The following KCNU1 variants were observed in gnomAD, a reference collection of about 807,000 sequenced individuals.
KCNU1 encodes the protein potassium channel subfamily U member 1.
A neutral mutation model predicts 126.8 loss-of-function variants in KCNU1; 93 were observed. The ratio of observed to expected loss-of-function variants is 0.73; its 90% CI spans 0.62 to 0.87. KCNU1 has a LOEUF of 0.87. Ranked by LOEUF, KCNU1 falls within the 40% of genes least tolerant of loss-of-function variation. The pLI is 0.00. For synonymous variants in KCNU1, 523 were observed against 494.2 expected, an observed-to-expected ratio of 1.06 and a Z score of -0.77; for missense variants, 1,330 against 1,367.1, an observed-to-expected ratio of 0.97 and a Z score of 0.43.
intron 24 of KCNU1, chr8:36,928,784 T>C (rs548925490): frequency 8.0e-6 from 4 of 499,224 alleles, no homozygotes; most frequent in Admixed American, 3.9e-5. Flanking sequence ...GCCTATCTTC[T>C]GAAGGAGCAC....
chr8:36,815,931 G>C (rs1187156993), intron 9 of KCNU1, among the ~76,000 whole-genome samples: 2 of 152,154 alleles, frequency 1.3e-5, no homozygotes, highest in Non-Finnish European at 2.9e-5. Context: ...GACAGATAAT[G>C]TTGTAATTCA....
At chr8:36,851,279 G>A (rs986719774) in intron 18 of KCNU1, among the ~76,000 whole-genome samples, 1 of 152,168 alleles carries the variant, frequency 6.6e-6, no homozygotes, top group Non-Finnish European at 1.5e-5. Context: ...GGAACCTGGT[G>A]AGAGGTGATT....
At chr8:36,932,478 A>G (rs1052410122) in intron 25 of KCNU1, among the ~76,000 whole-genome samples, 1 of 152,110 alleles carries the variant, frequency 6.6e-6, no homozygotes, top group Non-Finnish European at 1.5e-5. Context: ...CTTGTTGGCT[A>G]TAGCCCGAGA....
rs144882523 is a variant in KCNU1, at chr8:36,883,469, G to T, written c.2009+18948G>T. ...AGGGTAACTAATTTCTCCTTGTTGT[G>T]CTTTGCCTTTTCTGGGAGGAAAGAC... is the stretch of plus-strand genomic sequence containing the variant. On this transcript the variant is annotated intron_variant, in intron 19 of 26. Transcript: ENST00000399881. Among the ~76,000 whole-genome samples, 8 of 152,224 alleles carry T rather than the reference G, an allele frequency of 5.3e-5. No individual in the cohort carries two copies. The East Asian group carries it at 1.5e-3, about 29-fold the overall frequency.
chr8:36,935,514 G>A lies in KCNU1; in HGVS notation c.3045-1G>A. 1 of 1,589,332 alleles carries A rather than the reference G, an allele frequency of 6.3e-7. No individual in the cohort carries two copies. On this transcript the variant is annotated splice_acceptor_variant, in intron 26 of 26. Coordinates refer to ENST00000399881, the MANE Select transcript of KCNU1 (RefSeq NM_001031836.3). LOFTEE classifies it high-confidence loss of function. Reference sequence around the variant, plus strand: ...GCATTTATCTTTGACTTGTCTTACAGGTTTGTGATCACCCGGCCAGCCAAT... The same window carrying A: ...GCATTTATCTTTGACTTGTCTTACAAGTTTGTGATCACCCGGCCAGCCAAT...
Position 36,936,052 on chromosome 8 carries a change from C to A in KCNU1, c.*132C>A, listed in dbSNP as rs1034492460. ...CCCATTGCTTAGTGGTTCATGAAGGCCACACTGTTTTGGGTGAGACAAAAG... is the reference window on the plus strand; with the variant it reads ...CCCATTGCTTAGTGGTTCATGAAGGACACACTGTTTTGGGTGAGACAAAAG... On this transcript the variant is annotated 3_prime_UTR_variant, in exon 27 of 27. Coordinates refer to ENST00000399881, the MANE Select transcript of KCNU1 (RefSeq NM_001031836.3). The A allele has an allele frequency of 1.9e-5, 14 of 749,168 alleles. No homozygotes were observed. The highest frequency in any genetic ancestry group is 1.2e-4 in the African/African-American group (7 of 57,088). 46.4% of individuals were successfully genotyped at this position (749,168 alleles called of 1,614,324 possible).
intron 7 of KCNU1, among the ~76,000 whole-genome samples, chr8:36,811,163 G>A (rs1025801471): frequency 5.3e-5 from 8 of 151,986 alleles, no homozygotes; most frequent in Non-Finnish European, 8.8e-5. Context: ...AACATGAAAG[G>A]ACAATATTGA....
chr8:36,856,633 C>T (rs1248182603), intron 18 of KCNU1, among the ~76,000 whole-genome samples: 1 of 152,132 alleles, frequency 6.6e-6, no homozygotes, highest in African/African-American at 2.4e-5. Flanking sequence ...ATGGTAAGCT[C>T]TCCGCTTCTG....
chr8:36,870,073 A>G (rs1440491882), intron 19 of KCNU1, among the ~76,000 whole-genome samples: 1 of 152,152 alleles, frequency 6.6e-6, no homozygotes, highest in African/African-American at 2.4e-5. Flanking sequence ...CTCCCTCCAG[A>G]ACATTCTTTT....
intron 24 of KCNU1, among the ~76,000 whole-genome samples, chr8:36,924,422 C>T (rs544625743): frequency 3.3e-5 from 5 of 152,324 alleles, no homozygotes; most frequent in African/African-American, 4.8e-5. Context: ...CCCTCCCTGA[C>T]ATCAATGCCA....
rs139966530 is a variant in KCNU1 at position 36,920,742 on chromosome 8, A to G, written c.2597-1748A>G. On this transcript the variant is annotated intron_variant, in intron 23 of 26. Coordinates refer to ENST00000399881, the MANE Select transcript of KCNU1 (RefSeq NM_001031836.3). ...TGTGTGTGCGTGCGCGCACGTGCGC[A>G]TGTGTGTGTGTGGAGGGCTCACAAT... is the stretch of plus-strand genomic sequence containing the variant. Among the ~76,000 whole-genome samples, 281 of 152,228 alleles carry G rather than the reference A, an allele frequency of 1.8e-3. 2 individuals are homozygous for G. Among genetic ancestry groups the G allele is most frequent in the Admixed American group, 3.0e-3 (46 of 15,280 alleles).
intron 19 of KCNU1, among the ~76,000 whole-genome samples, chr8:36,868,011 T>G (rs906783014): frequency 3.9e-5 from 6 of 152,106 alleles, no homozygotes; most frequent in African/African-American, 1.4e-4. Context: ...TAATTCAAAA[T>G]CAAGGTAGGT....
At chr8:36,899,930 G>A (rs1256408562) in intron 19 of KCNU1, among the ~76,000 whole-genome samples, 1 of 152,086 alleles carries the variant, frequency 6.6e-6, no homozygotes, top group Non-Finnish European at 1.5e-5. Flanking sequence ...TCCATGTCCT[G>A]GGAAACCCAA....
chr8:36,784,952 T>A (rs917174339), intron 1 of KCNU1, among the ~76,000 whole-genome samples: 3 of 152,208 alleles, frequency 2.0e-5, no homozygotes, highest in Non-Finnish European at 4.4e-5. Flanking sequence ...TTGTGCTAGG[T>A]CATAGAAAGG....
At chr8:36,800,509 T>C (rs796622635) in intron 2 of KCNU1, among the ~76,000 whole-genome samples, 10 of 152,324 alleles carry the variant, frequency 6.6e-5, no homozygotes, top group African/African-American at 2.4e-4. Flanking sequence ...AAAAGAGCTG[T>C]TGTCACTAGC....
chr8:36,840,339 A>T (rs1180576086), intron 14 of KCNU1, 124 bp from the exon 15 acceptor site: 1 of 599,556 alleles, frequency 1.7e-6, no homozygotes, highest in Non-Finnish European at 3.0e-6. Flanking sequence ...CACTAAGATA[A>T]ATCTCTTTTT....
chr8:36,888,672 C>T (rs551627569), intron 19 of KCNU1: 21 of 534,420 alleles, frequency 3.9e-5, no homozygotes, highest in South Asian at 1.3e-4. Context: ...ACTGAAAGCA[C>T]GATAATCACT....
intron 10 of KCNU1, among the ~76,000 whole-genome samples, chr8:36,829,429 A>G (rs1394839467): frequency 6.6e-6 from 1 of 151,812 alleles, no homozygotes; most frequent in Non-Finnish European, 1.5e-5. Flanking sequence ...TAATTCATTT[A>G]GAATTTTTTG....
intron 2 of KCNU1, among the ~76,000 whole-genome samples, chr8:36,797,461 C>G (rs1301105948): frequency 2.6e-5 from 4 of 152,004 alleles, no homozygotes; most frequent in African/African-American, 9.7e-5. Flanking sequence ...TGTCTATATG[C>G]TCCTTTTGTA....
Sources: allele counts gnomAD v4.1 joint callset (sites outside exome capture counted in the v4.1 genomes callset), GRCh38; gene constraint gnomAD v4.1.1; transcripts MANE v1.5; gene names NCBI Gene and HGNC (gene_info 2026-07-23, HGNC 2026-07-21).